Variants in ZMIZ1 observed in about 807,000 individuals in gnomAD.
The protein encoded by ZMIZ1 is zinc finger MIZ-type containing 1.
In ZMIZ1, 17 loss-of-function variants were observed where a neutral mutation model predicts 113.9. The ratio of observed to expected loss-of-function variants is 0.15; its 90% CI spans 0.10 to 0.22. The LOEUF (loss-of-function observed/expected upper bound fraction) is 0.22. Ranked by LOEUF, ZMIZ1 falls within the 10% of genes least tolerant of loss-of-function variation. The pLI, the probability that ZMIZ1 is intolerant of heterozygous loss-of-function variation, is 1.00. For missense variants in ZMIZ1, 1,059 were observed against 1,477.8 expected (o/e 0.72, Z 4.65); for synonymous variants, 607 against 603.1 (o/e 1.01, Z -0.09).
chr10:79,196,795 G>A (rs2132634166), intron 4 of ZMIZ1, among the ~76,000 whole-genome samples: 1 of 152,358 alleles, frequency 6.6e-6, no homozygotes, highest in East Asian at 1.9e-4. Flanking sequence ...CACAATGTCA[G>A]GAGAAAGTTC....
intron 5 of ZMIZ1, among the ~76,000 whole-genome samples, chr10:79,206,150 T>C (rs1433547966): frequency 1.3e-5 from 2 of 151,252 alleles, no homozygotes; most frequent in African/African-American, 4.9e-5. Flanking sequence ...GATGTTTTCT[T>C]CAGCAATGAG....
intron 6 of ZMIZ1, 89 bp from the exon 7 acceptor site, chr10:79,216,080 C>A: frequency 3.3e-6 from 3 of 900,532 alleles, no homozygotes; most frequent in African/African-American, 1.8e-5. Context: ...CCTTAGCTTG[C>A]CCACCTCACC....
intron 7 of ZMIZ1, among the ~76,000 whole-genome samples, chr10:79,259,437 GCTT>G (rs1851120942): frequency 1.3e-5 from 2 of 152,174 alleles, no homozygotes; most frequent in Non-Finnish European, 2.9e-5. Flanking sequence ...GCACCGTGTG[GCTT>G]CTTCTGTTCC....
chr10:79,110,377 C>T (rs944190996), intron 1 of ZMIZ1, among the ~76,000 whole-genome samples: 16 of 152,172 alleles, frequency 1.1e-4, no homozygotes, highest in Admixed American at 9.2e-4. Flanking sequence ...GAATGCATGG[C>T]GGATGGTGCA....
At chr10:79,216,455 G>C in intron 7 of ZMIZ1, 181 bp downstream of exon 7, 1 of 519,442 alleles carries the variant, frequency 1.9e-6, no homozygotes, top group Non-Finnish European at 3.4e-6. Context: ...GGCTGTCCTC[G>C]TGCCTCTCCC....
rs1854119811 is a variant in ZMIZ1, at chr10:79,299,122, A to G, written c.1739A>G (p.Glu580Gly). 1.2e-6 allele frequency: 2 copies of G among 1,612,186 alleles called. No homozygotes were observed. Among genetic ancestry groups the G allele is most frequent in the Non-Finnish European group, 1.7e-6 (2 of 1,179,872 alleles). The change falls in exon 16 of 25, where the codon GAG becomes GGG. Residue 580 changes from glutamate to glycine, a missense_variant. By Grantham distance (98) the Glu-to-Gly change is moderately conservative. This residue lies in a region of ZMIZ1 where 217 missense variants were observed against 426.9 expected (regional missense o/e 0.51). Coordinates refer to ENST00000334512, the MANE Select transcript of ZMIZ1 (RefSeq NM_020338.4). ...GTGGTGCTGGAGCCCTTCCGCCTGG[A>G]GCACAACCTGGCGGTCAGCAACCAT... is the stretch of plus-strand genomic sequence containing the variant. The part of the protein sequence containing the change: ...DGVVLEPFRL[E>G]HNLAVSNHVF...
At chr10:79,289,416 A>G (rs1002364522) in intron 8 of ZMIZ1, among the ~76,000 whole-genome samples, 1 of 152,160 alleles carries the variant, frequency 6.6e-6, no homozygotes, top group Non-Finnish European at 1.5e-5. Flanking sequence ...GGCTCTTCCT[A>G]AAGGGCAACG....
rs576833783 is a variant in ZMIZ1, at chr10:79,076,161, A to G, written c.-337+6891A>G. Among the ~76,000 whole-genome samples, 16 of 152,298 alleles carry G rather than the reference A, an allele frequency of 1.1e-4. 1 individual carries two copies. In the East Asian group the frequency reaches 2.9e-3, roughly 28 times the overall value. On this transcript the variant is annotated intron_variant, in intron 1 of 24. Coordinates refer to ENST00000334512, the MANE Select transcript of ZMIZ1 (RefSeq NM_020338.4). ...CTTTCCTAGCCCAGGAAACTGAACCATGGAAAGAAACACTTGGTCTCATCC... is the reference window on the plus strand; with the variant it reads ...CTTTCCTAGCCCAGGAAACTGAACCGTGGAAAGAAACACTTGGTCTCATCC...
intron 3 of ZMIZ1, among the ~76,000 whole-genome samples, chr10:79,147,924 G>A (rs1228887726): frequency 1.3e-5 from 2 of 152,210 alleles, no homozygotes; most frequent in African/African-American, 4.8e-5. Flanking sequence ...TAGCCCACAT[G>A]GGGAGCAGAG....
chr10:79,201,019 TGC>T (rs1848056589), intron 4 of ZMIZ1, among the ~76,000 whole-genome samples: 1 of 152,168 alleles, frequency 6.6e-6, no homozygotes. Flanking sequence ...CAGAAATGTG[TGC>T]ACCTGGCTGG....
intron 3 of ZMIZ1, among the ~76,000 whole-genome samples, chr10:79,145,171 A>G (rs1845429513): frequency 6.8e-6 from 1 of 146,512 alleles, no homozygotes. Flanking sequence ...TCTTCTCTCT[A>G]TTCCGCTCAT....
At chr10:79,103,021 C>T (rs881407) in intron 1 of ZMIZ1, among the ~76,000 whole-genome samples, 20,966 of 152,134 alleles carry the variant, frequency 0.14, 1,794 homozygotes, top group Admixed American at 0.24. Flanking sequence ...GCTCGTAGTA[C>T]GTGCAGTACA....
At chr10:79,134,833 A>C (rs544727055) in intron 2 of ZMIZ1, among the ~76,000 whole-genome samples, 1 of 152,102 alleles carries the variant, frequency 6.6e-6, no homozygotes, top group Non-Finnish European at 1.5e-5. Flanking sequence ...ATAATTAAAT[A>C]GTTTTTTTTT....
Position 79,306,106 on chromosome 10 carries a change from G to C in ZMIZ1, c.2430G>C (p.Glu810Asp). 1.2e-6 allele frequency: 2 copies of C among 1,612,474 alleles called. No individual in the cohort carries two copies. Among genetic ancestry groups the C allele is most frequent in the Non-Finnish European group, 1.7e-6 (2 of 1,179,496 alleles). Reference sequence around the variant, plus strand: ...GCCACCCTTCCTCCCCCAGCTCCGAGTTTGAAGAGGTCACCATCGATCCCA... The same window carrying C: ...GCCACCCTTCCTCCCCCAGCTCCGACTTTGAAGAGGTCACCATCGATCCCA... ...WGILNAIQHSEFEEVTIDPTC... is the reference protein window; with the variant it reads ...WGILNAIQHSDFEEVTIDPTC... Residue 810 changes from glutamate to aspartate, a missense_variant, in exon 22 of 25, where the codon GAG becomes GAC. Physicochemically the swap from Glu to Asp is conservative, Grantham distance 45 (BLOSUM62 2). Around this residue, in one of 6 missense-constraint regions of ZMIZ1, gnomAD observed 217 missense variants for 426.9 expected, o/e 0.51. Coordinates refer to ENST00000334512, the MANE Select transcript of ZMIZ1 (RefSeq NM_020338.4).
At position 79,211,830 on chromosome 10, in the gene ZMIZ1, C is replaced by T. The variant is rs547322213; in HGVS notation, c.174+3381C>T. Among the ~76,000 whole-genome samples, 5 of 152,338 alleles carry T rather than the reference C, an allele frequency of 3.3e-5. No homozygotes were observed. In the East Asian group the frequency reaches 5.8e-4, roughly 18 times the overall value. On this transcript the variant is annotated intron_variant, in intron 6 of 24. Transcript: ENST00000334512. ...GCCCCTCTGGGCGCCCTCTCCCTCC[C>T]GTGGGCTTAGGGAACGGCGGAAGAC...
In ZMIZ1 at chr10:79,090,743, C is replaced by A. The variant is rs556055331; in HGVS notation, c.-337+21473C>A. Among the ~76,000 whole-genome samples the A allele has an allele frequency of 2.5e-4, 38 of 152,346 alleles. No individual in the cohort carries two copies. The South Asian group carries it at 7.9e-3, about 32-fold the overall frequency. On this transcript the variant is annotated intron_variant, in intron 1 of 24. Transcript: ENST00000334512. ...CAAAACCAGAGTGAAAAGATGCTCA[C>A]CCACAAGGCTGATGTGCATTGTGGG...
At chr10:79,105,048 G>A (rs1370142579) in intron 1 of ZMIZ1, among the ~76,000 whole-genome samples, 1 of 151,016 alleles carries the variant, frequency 6.6e-6, no homozygotes, top group African/African-American at 2.4e-5. Context: ...AATAGCAGAT[G>A]CTAGATCCAA....
At chr10:79,100,489 G>A (rs552501302) in intron 1 of ZMIZ1, among the ~76,000 whole-genome samples, 22 of 152,032 alleles carry the variant, frequency 1.4e-4, no homozygotes, top group Non-Finnish European at 2.5e-4. Flanking sequence ...CTGGGTGGGT[G>A]GGAGGCAAAG....
intron 8 of ZMIZ1, among the ~76,000 whole-genome samples, chr10:79,277,971 CTCTCCCCTGTGTGTG>C (rs1852408963): frequency 6.6e-6 from 1 of 152,236 alleles, no homozygotes; most frequent in Non-Finnish European, 1.5e-5. Context: ...ATGCTGTCTG[CTCTCCCCTGTGTGTG>C]TCTCCGCTAA....
Sources: allele counts gnomAD v4.1 joint callset (sites outside exome capture counted in the v4.1 genomes callset), GRCh38; gene constraint gnomAD v4.1.1; regional missense constraint gnomAD v4.1.1; transcripts MANE v1.5; gene names NCBI Gene and HGNC (gene_info 2026-07-23, HGNC 2026-07-21).